The following SLA2 variants were observed in gnomAD, a reference collection of about 807,000 sequenced individuals.
SLA2 encodes the protein src-like-adapter 2.
In SLA2, 22 loss-of-function variants were observed where a neutral mutation model predicts 27.3. That is an observed-to-expected ratio of 0.81 (90% CI 0.58 to 1.15). SLA2 has a LOEUF of 1.15. SLA2 is among the 50% of genes most tolerant of loss of function. SLA2 has a pLI of 0.00. For synonymous variants in SLA2, 131 were observed against 137.8 expected, an observed-to-expected ratio of 0.95 and a Z score of 0.34; for missense variants, 304 against 322.2, an observed-to-expected ratio of 0.94 and a Z score of 0.43.
chr20:36,631,995 C>T lies in SLA2; in HGVS notation c.382+600G>A, dbSNP rs777780674. 2.8e-4 allele frequency among the ~76,000 whole-genome samples: 43 copies of T among 152,282 alleles called. 1 individual carries two copies. The highest frequency in any genetic ancestry group is 3.9e-4 in the East Asian group (2 of 5,180). ...ACCTCTCAGAGAAGGATACGATTTTCGGGGTCCCCTAAACTGACCCCCCAT... is the reference window on the plus strand; with the variant it reads ...ACCTCTCAGAGAAGGATACGATTTTTGGGGTCCCCTAAACTGACCCCCCAT... On this transcript the variant is annotated intron_variant, in intron 5 of 7. Transcript: ENST00000262866.
chr20:36,614,732 A>C, intron 6 of SLA2: 1 of 985,324 alleles, frequency 1.0e-6, no homozygotes, highest in Non-Finnish European at 1.2e-6. Flanking sequence ...TGCTCAGTCT[A>C]CTTCTACTCA....
Position 36,612,506 on chromosome 20 carries a change from C to T in SLA2, c.*1360G>A. The T allele has an allele frequency of 2.2e-6, 1 of 453,492 alleles. No homozygotes were observed. The highest frequency in any genetic ancestry group is 4.0e-6 in the Non-Finnish European group (1 of 247,256). The allele number at this position is 453,492 out of a possible 1,614,324, so 28.1% of individuals were successfully genotyped here. A position where few individuals can be genotyped will look rare whatever the true frequency, so the allele number is the denominator to read the frequency against. On this transcript the variant is annotated 3_prime_UTR_variant, in exon 8 of 8. Transcript: ENST00000262866. ...TACATGCAGCATCTAATAAGAGTTT[C>T]CATTGTAGAATGTTTTCACATACTT...
At chr20:36,635,098 G>C (rs570752005) in intron 2 of SLA2, among the ~76,000 whole-genome samples, 93 of 152,030 alleles carry the variant, frequency 6.1e-4, no homozygotes, top group Middle Eastern at 3.4e-3. Flanking sequence ...TTTCAAGGCT[G>C]GGCATCAGGC....
chr20:36,639,722 G>C (rs1001244701), intron 2 of SLA2, among the ~76,000 whole-genome samples: 25 of 151,496 alleles, frequency 1.7e-4, no homozygotes. Flanking sequence ...TTAGCCAGGC[G>C]TGGTGGCGGG....
intron 2 of SLA2, among the ~76,000 whole-genome samples, chr20:36,639,046 A>G (rs1444723734): frequency 1.3e-5 from 2 of 152,078 alleles, no homozygotes; most frequent in Admixed American, 1.3e-4. Flanking sequence ...GGGTTTCACC[A>G]TGTTGGTCAG....
Position 36,641,238 on chromosome 20 carries a change from G to C in SLA2, c.91+7C>G, listed in dbSNP as rs369787938. ...AGAGCCTGGCTGTCACAGGCCCTGAGGCCTACCTGCTTCCATGGTCACAGG... is the reference window on the plus strand; with the variant it reads ...AGAGCCTGGCTGTCACAGGCCCTGACGCCTACCTGCTTCCATGGTCACAGG... On this transcript the variant is annotated splice_region_variant and intron_variant, in intron 2 of 7. Coordinates refer to ENST00000262866, the MANE Select transcript of SLA2 (RefSeq NM_032214.4). 6.2e-7 allele frequency: 1 copy of C among 1,612,878 alleles called. No homozygotes were observed. Among genetic ancestry groups the C allele is most frequent in the East Asian group, 2.2e-5 (1 of 44,854 alleles).
At chr20:36,635,460 G>A (rs1264700716) in intron 2 of SLA2, among the ~76,000 whole-genome samples, 2 of 151,532 alleles carry the variant, frequency 1.3e-5, no homozygotes, top group East Asian at 3.9e-4. Context: ...GGAAGCAGAC[G>A]AGCAGACAAG....
intron 5 of SLA2, among the ~76,000 whole-genome samples, chr20:36,624,515 T>G (rs2039317339): frequency 6.6e-6 from 1 of 152,206 alleles, no homozygotes; most frequent in African/African-American, 2.4e-5. Flanking sequence ...GGAATCTTGC[T>G]TTTCATACTG....
chr20:36,633,461 C>T (rs146061843), intron 4 of SLA2, 82 bp downstream of exon 4: 96 of 1,225,142 alleles, frequency 7.8e-5, no homozygotes, highest in Non-Finnish European at 1.1e-4. Context: ...CTTTGCTCAG[C>T]GCAGAGCCGT....
Position 36,614,319 on chromosome 20 carries a change from C to A in SLA2, c.651G>T (p.Trp217Cys). 1 of 1,614,200 alleles carries A rather than the reference C, an allele frequency of 6.2e-7. No homozygotes were observed. Among genetic ancestry groups the A allele is most frequent in the Non-Finnish European group, 8.5e-7 (1 of 1,180,022 alleles). Reference sequence around the variant, plus strand: ...CCCAACTTTACCTGTCCAGCTCTTTCCAGTTGAGTGGTGTCCTCTGCACAG... The same window carrying A: ...CCCAACTTTACCTGTCCAGCTCTTTACAGTTGAGTGGTGTCCTCTGCACAG... ...PVTVQRTPLN[W>C]KELDSSLLFS... The change falls in exon 7 of 8, where the codon TGG becomes TGT. Residue 217 changes from tryptophan (W) to cysteine (C), a missense_variant. Trp to Cys is a radical substitution (Grantham distance 215). Coordinates refer to ENST00000262866, the MANE Select transcript of SLA2 (RefSeq NM_032214.4).
intron 2 of SLA2, among the ~76,000 whole-genome samples, chr20:36,635,417 A>C (rs2039434455): frequency 6.6e-6 from 1 of 150,494 alleles, no homozygotes; most frequent in Non-Finnish European, 1.5e-5. Context: ...TGTGCCCTTC[A>C]GATGGAGCTG....
intron 2 of SLA2, among the ~76,000 whole-genome samples, chr20:36,638,873 T>C (rs1410534344): frequency 6.6e-6 from 1 of 151,588 alleles, no homozygotes; most frequent in East Asian, 2.0e-4. Context: ...TGAGACGGAG[T>C]TTTGCTCTTG....
intron 1 of SLA2, among the ~76,000 whole-genome samples, chr20:36,644,876 T>G (rs907109228): frequency 4.0e-5 from 6 of 149,486 alleles, no homozygotes; most frequent in Non-Finnish European, 7.4e-5. Context: ...GTGTTTTTTT[T>G]TTTTTTTTTT....
chr20:36,632,499 C>T (rs2039402282), intron 5 of SLA2, 96 bp downstream of exon 5: 2 of 936,462 alleles, frequency 2.1e-6, no homozygotes, highest in Admixed American at 3.9e-5. Context: ...TCAGGCAAAG[C>T]CTATTTTCTG....
At chr20:36,636,040 C>T (rs889098724) in intron 2 of SLA2, among the ~76,000 whole-genome samples, 6 of 152,138 alleles carry the variant, frequency 3.9e-5, no homozygotes, top group African/African-American at 1.4e-4. Flanking sequence ...GCTCAACTGT[C>T]CCTGAAGTCA....
intron 5 of SLA2, among the ~76,000 whole-genome samples, chr20:36,619,032 TCTGA>T (rs1157912492): frequency 6.7e-6 from 1 of 148,884 alleles, no homozygotes; most frequent in East Asian, 2.0e-4. Flanking sequence ...TTGAGATGCG[TCTGA>T]CTAACATGGT....
chr20:36,623,567 T>C (rs1450990887), intron 5 of SLA2, among the ~76,000 whole-genome samples: 2 of 152,222 alleles, frequency 1.3e-5, no homozygotes, highest in Non-Finnish European at 2.9e-5. Flanking sequence ...CAATATGCTT[T>C]GAGAAGTGTA....
intron 2 of SLA2, among the ~76,000 whole-genome samples, chr20:36,638,118 C>T (rs1039105488): frequency 2.6e-5 from 4 of 151,608 alleles, no homozygotes; most frequent in African/African-American, 7.3e-5. Flanking sequence ...GTCTTGAACT[C>T]CTGACCTCAT....
chr20:36,643,743 G>T (rs1978285492), intron 1 of SLA2, among the ~76,000 whole-genome samples: 1 of 152,172 alleles, frequency 6.6e-6, no homozygotes, highest in African/African-American at 2.4e-5. Context: ...CATGAGGTCA[G>T]GAGTTTGAGA....
Sources: gnomAD v4.1 joint callset for allele counts (sites outside exome capture counted in the v4.1 genomes callset) on GRCh38, gnomAD v4.1.1 for gene constraint, MANE v1.5 for transcripts, NCBI Gene and HGNC (gene_info 2026-07-23, HGNC 2026-07-21) for gene names.